Variants in CDK11A observed in about 807,000 individuals in gnomAD.
CDK11A encodes the protein cyclin dependent kinase 11A, also known as cyclin-dependent kinase 11A.
A neutral mutation model predicts 83.6 loss-of-function variants in CDK11A; 55 were observed. The observed-to-expected ratio is 0.66, with a 90% confidence interval of 0.53 to 0.82. The LOEUF (loss-of-function observed/expected upper bound fraction) is 0.82. Among genes scored for constraint, CDK11A ranks in the 40% least tolerant of loss-of-function variants. The pLI is 0.00. For synonymous variants in CDK11A, 247 were observed against 302.7 expected, an observed-to-expected ratio of 0.82 and a Z score of 1.91; for missense variants, 564 against 810.1, an observed-to-expected ratio of 0.70 and a Z score of 3.69.
chr1:1,706,866 C>T (rs559397139), intron 11 of CDK11A, among the ~76,000 whole-genome samples: 2 of 149,808 alleles, frequency 1.3e-5, no homozygotes, highest in Admixed American at 1.3e-4. Context: ...GGCCGAGTCC[C>T]TGCCGGTCTC....
intron 13 of CDK11A, 92 bp downstream of exon 13, chr1:1,704,812 G>A (rs1168647984): frequency 1.9e-6 from 3 of 1,601,652 alleles, no homozygotes; most frequent in Non-Finnish European, 2.6e-6. Flanking sequence ...CTAAGTGCAG[G>A]AGAGTGTAGG....
rs1232298629 is a variant in CDK11A at position 1,707,691 on chromosome 1, G to A, written c.1070-107C>T. ...TGGCAGGGCTGCCCCGTGTCCCGCT[G>A]GGAGGTGCTGGCGCTGGGCTCTCGT... On this transcript the variant is annotated intron_variant, in intron 10 of 19. Transcript: ENST00000404249. The A allele has an allele frequency of 4.2e-5, 46 of 1,095,048 alleles. 2 individuals carry two copies. Among genetic ancestry groups the A allele is most frequent in the Non-Finnish European group, 5.3e-5 (41 of 777,280 alleles). 67.8% of individuals were successfully genotyped at this position (1,095,048 alleles called of 1,614,324 possible). A position where few individuals can be genotyped will look rare whatever the true frequency, so the allele number is the denominator to read the frequency against.
Position 1,704,178 on chromosome 1 carries a change from C to T in CDK11A, c.1687-32G>A, listed in dbSNP as rs115354721. ...CGACAGATGGGCGGCTGTGGGTGGG[C>T]CTGGGCGGGTCACCCTGGGATGGGC... On this transcript the variant is annotated intron_variant, in intron 15 of 19. Coordinates refer to ENST00000404249, the MANE Select transcript of CDK11A (RefSeq NM_024011.4). The T allele has an allele frequency of 4.1e-3, 6,575 of 1,607,832 alleles. 436 individuals are homozygous for T. The African/African-American group carries it at 0.076, about 18-fold the overall frequency.
At chr1:1,720,027 C>A (rs1253995898) in intron 3 of CDK11A, among the ~76,000 whole-genome samples, 1 of 151,078 alleles carries the variant, frequency 6.6e-6, no homozygotes, top group African/African-American at 2.4e-5. Flanking sequence ...ATTAGCTTGA[C>A]TGTGGTGACA....
At chr1:1,704,721 C>G in intron 13 of CDK11A, 66 bp from the exon 14 acceptor site, 1 of 1,600,712 alleles carries the variant, frequency 6.2e-7, no homozygotes, top group Non-Finnish European at 8.5e-7. Context: ...CACCCGGGCG[C>G]AGATGCTGAG....
rs947268249 is a variant in CDK11A at position 1,708,338 on chromosome 1, G to A, written c.1004-93C>T. ...GCTCCGCTTCAGCTAAGCAACAAGT[G>A]TTCCCAAGAATGGATATGGAGGCTG... is the stretch of plus-strand genomic sequence containing the variant. On this transcript the variant is annotated intron_variant, in intron 9 of 19. Coordinates refer to ENST00000404249, the MANE Select transcript of CDK11A (RefSeq NM_024011.4). 4.1e-6 allele frequency: 6 copies of A among 1,452,676 alleles called. No homozygotes were observed. In the East Asian group the frequency reaches 1.2e-4, roughly 29 times the overall value. 90.0% of individuals were successfully genotyped at this position (1,452,676 alleles called of 1,614,324 possible). A position where few individuals can be genotyped will look rare whatever the true frequency, so the allele number is the denominator to read the frequency against.
Position 1,707,474 on chromosome 1 carries a change from C to T in CDK11A, c.1180G>A (p.Asp394Asn), listed in dbSNP as rs770045003. The T allele has an allele frequency of 4.4e-6, 7 of 1,607,064 alleles. No individual in the cohort carries two copies. The highest frequency in any genetic ancestry group is 2.7e-5 in the African/African-American group (2 of 73,860). Reference protein sequence around the residue: ...SALTEGDYVPDSPALLPIELK... With the variant: ...SALTEGDYVPNSPALLPIELK... ...TCGATGGGCAACAGGGCAGGGGAGT[C>T]GGGCACATAGTCGCCCTCTGTCAGG... The change falls in exon 11 of 20, where the codon GAC becomes AAC. Residue 394 changes from aspartate (D) to asparagine (N), a missense_variant. Physicochemically the swap from Asp to Asn is conservative, Grantham distance 23 (BLOSUM62 1). Transcript: ENST00000404249.
At chr1:1,707,046 G>A (rs1317943721) in intron 11 of CDK11A, among the ~76,000 whole-genome samples, 1 of 143,162 alleles carries the variant, frequency 7.0e-6, no homozygotes, top group African/African-American at 2.8e-5. Context: ...CCGGTAACAA[G>A]GCCTTGGTGC....
intron 6 of CDK11A, among the ~76,000 whole-genome samples, chr1:1,710,557 G>T (rs1452714643): frequency 1.7e-5 from 2 of 118,150 alleles, no homozygotes; most frequent in African/African-American, 5.5e-5. Context: ...CCATTTTTTT[G>T]ACTAAGAAAA....
At position 1,719,206 on chromosome 1, in the gene CDK11A, T is replaced by C. The variant is rs988138001; in HGVS notation, c.355+122A>G. 3.3e-5 allele frequency: 29 copies of C among 882,470 alleles called. 1 individual carries two copies. Among genetic ancestry groups the C allele is most frequent in the Non-Finnish European group, 4.6e-5 (28 of 606,722 alleles). The allele number at this position is 882,470 out of a possible 1,614,324, so 54.7% of individuals were successfully genotyped here. On this transcript the variant is annotated intron_variant, in intron 4 of 19. Transcript: ENST00000404249. ...TTCTGAACGGTCTGTGACACCATTA[T>C]GCTTTCAGCTACAGTTTGCTTTCTC...
chr1:1,707,007 C>T (rs1186713822), intron 11 of CDK11A, among the ~76,000 whole-genome samples: 2 of 143,060 alleles, frequency 1.4e-5, no homozygotes, highest in African/African-American at 5.7e-5. Flanking sequence ...CTCCCGTAGC[C>T]GCTCCCCCAT....
intron 4 of CDK11A, among the ~76,000 whole-genome samples, chr1:1,718,990 G>C (rs1420565893): frequency 6.6e-6 from 1 of 151,094 alleles, no homozygotes; most frequent in Admixed American, 6.6e-5. Context: ...ACACACGCAT[G>C]CTTTCAGCTA....
chr1:1,720,483 T>C (rs1644864412), intron 3 of CDK11A, among the ~76,000 whole-genome samples: 2 of 150,664 alleles, frequency 1.3e-5, no homozygotes, highest in Admixed American at 1.3e-4. Context: ...AACCTCTGCC[T>C]CCTGTCCCAG....
In CDK11A at chr1:1,704,581, C is replaced by T. The variant is rs1372797633; in HGVS notation, c.1533G>A (p.Leu511=). The T allele has an allele frequency of 6.2e-7, 1 of 1,604,378 alleles. No homozygotes were observed. Among genetic ancestry groups the T allele is most frequent in the Non-Finnish European group, 8.5e-7 (1 of 1,174,718 alleles). Residue 511 remains leucine (L), a synonymous_variant, in exon 14 of 20, where the codon CTG becomes CTA. Transcript: ENST00000404249. The part of the protein sequence containing the change: ...MNYVEHDLKS[L]METMKQPFLP... ...GGAAGGGCTGTTTCATGGTCTCCAT[C>T]AGGCTCTTGAGGTCGTGCTCCACGT...
At chr1:1,713,493 T>C in intron 5 of CDK11A, among the ~76,000 whole-genome samples, 1 of 108,792 alleles carries the variant, frequency 9.2e-6, no homozygotes, top group Non-Finnish European at 2.1e-5. Flanking sequence ...TTTTAATTTA[T>C]TTGTACTTTT....
At position 1,703,687 on chromosome 1, in the gene CDK11A, C is replaced by T. The variant is rs1411424276; in HGVS notation, c.1912-63G>A. 22 of 1,541,872 alleles carry T rather than the reference C, an allele frequency of 1.4e-5. 2 individuals are homozygous for T. The highest frequency in any genetic ancestry group is 4.8e-5 in the East Asian group (2 of 41,704). The stretch of plus-strand genomic sequence containing the variant: ...GCCCACAGTGTTGGCACCTGTGTCC[C>T]GTCAGAGAAGACAAGCCACCAGGAG... On this transcript the variant is annotated intron_variant, in intron 17 of 19. Coordinates refer to ENST00000404249, the MANE Select transcript of CDK11A (RefSeq NM_024011.4).
intron 14 of CDK11A, 56 bp from the exon 15 acceptor site, chr1:1,704,400 A>G: frequency 6.3e-7 from 1 of 1,597,690 alleles, no homozygotes; most frequent in Non-Finnish European, 8.5e-7. Flanking sequence ...CAGGGCACTC[A>G]GGGTGGCCCG....
chr1:1,717,170 G>A (rs1166811816), intron 4 of CDK11A, among the ~76,000 whole-genome samples: 2 of 151,032 alleles, frequency 1.3e-5, no homozygotes, highest in Middle Eastern at 3.2e-3. Flanking sequence ...TATCACAGAA[G>A]AGAATTGTAA....
At chr1:1,717,562 G>A (rs1190534663) in intron 4 of CDK11A, among the ~76,000 whole-genome samples, 4 of 151,066 alleles carry the variant, frequency 2.6e-5, no homozygotes, top group African/African-American at 4.9e-5. Context: ...AACCCCAGAG[G>A]AAAAATGGAC....
Sources: allele counts gnomAD v4.1 joint callset (sites outside exome capture counted in the v4.1 genomes callset), GRCh38; gene constraint gnomAD v4.1.1; transcripts MANE v1.5; gene names NCBI Gene and HGNC (gene_info 2026-07-23, HGNC 2026-07-21).